ARK2N: variants seen among roughly 807,000 people sequenced by gnomAD.
The protein encoded by ARK2N is protein ARK2N.
the ARK2N span, among the ~76,000 whole-genome samples, chr18:46,249,886 A>G: frequency 1.3e-5 from 2 of 151,910 alleles, no homozygotes; most frequent in East Asian, 1.9e-4. Flanking sequence ...CAGTGGTGCA[A>G]TCATGGCACA....
the ARK2N span, among the ~76,000 whole-genome samples, chr18:46,212,460 G>C: frequency 6.6e-6 from 1 of 151,966 alleles, no homozygotes; most frequent in Non-Finnish European, 1.5e-5. Flanking sequence ...ATGCTATAAT[G>C]TATCTTTTTT....
At chr18:46,198,692 G>C in the ARK2N span, among the ~76,000 whole-genome samples, 1 of 151,898 alleles carries the variant, frequency 6.6e-6, no homozygotes, top group African/African-American at 2.4e-5. Context: ...TCCACCTCCC[G>C]GGTTCAAGTG....
chr18:46,198,915 G>A, the ARK2N span, among the ~76,000 whole-genome samples: 657 of 152,182 alleles, frequency 4.3e-3, 3 homozygotes, highest in African/African-American at 0.015. Context: ...TCTTAAAAAT[G>A]GACCCTGGAG....
At chr18:46,193,166 C>T in the ARK2N span, among the ~76,000 whole-genome samples, 15 of 151,970 alleles carry the variant, frequency 9.9e-5, no homozygotes, top group Admixed American at 6.6e-4. Context: ...GACTCTGTCT[C>T]AAAACAAACA....
the ARK2N span, among the ~76,000 whole-genome samples, chr18:46,246,773 T>C: frequency 6.9e-6 from 1 of 144,386 alleles, no homozygotes; most frequent in African/African-American, 2.5e-5. Context: ...CCAAACCCCG[T>C]CTCTACTAAA....
chr18:46,176,564 CCCA>C, the ARK2N span, among the ~76,000 whole-genome samples: 1 of 151,900 alleles, frequency 6.6e-6, no homozygotes. Flanking sequence ...AAGCATTCCT[CCCA>C]CCTCAGCCTC....
the ARK2N span, among the ~76,000 whole-genome samples, chr18:46,188,477 C>T: frequency 1.3e-5 from 2 of 152,244 alleles, no homozygotes; most frequent in South Asian, 2.1e-4. Flanking sequence ...GCTGGGATTA[C>T]AGGCGTGAGC....
At chr18:46,253,954 G>C in the ARK2N span, 2 of 1,124,334 alleles carry the variant, frequency 1.8e-6, no homozygotes, top group Admixed American at 5.6e-5. Flanking sequence ...TCTTGGTTTT[G>C]TTTTGTTTAA....
the ARK2N span, among the ~76,000 whole-genome samples, chr18:46,234,660 C>A: frequency 6.6e-6 from 1 of 151,878 alleles, no homozygotes; most frequent in African/African-American, 2.4e-5. Flanking sequence ...ACACCTTATT[C>A]CCCCTATTTA....
chr18:46,177,574 G>A, the ARK2N span, among the ~76,000 whole-genome samples: 1 of 151,438 alleles, frequency 6.6e-6, no homozygotes, highest in Admixed American at 6.6e-5. Context: ...TAAGACAGGC[G>A]CCTGCCACCA....
chr18:46,265,844 C>T, the ARK2N span: 1 of 152,630 alleles, frequency 6.6e-6, no homozygotes, highest in Non-Finnish European at 1.5e-5. Flanking sequence ...TTATGCTTCA[C>T]AGGACATTGT....
the ARK2N span, among the ~76,000 whole-genome samples, chr18:46,258,075 C>T: frequency 2.0e-5 from 3 of 152,038 alleles, no homozygotes; most frequent in Admixed American, 1.3e-4. Context: ...TATAGGTGCA[C>T]GCCGCCATGC....
At chr18:46,235,429 C>T in the ARK2N span, among the ~76,000 whole-genome samples, 1 of 152,158 alleles carries the variant, frequency 6.6e-6, no homozygotes, top group African/African-American at 2.4e-5. Flanking sequence ...AGCAAACAAA[C>T]AACAAAATAG....
the ARK2N span, chr18:46,263,247 G>A: frequency 1.1e-6 from 1 of 901,700 alleles, no homozygotes; most frequent in Non-Finnish European, 1.6e-6. Flanking sequence ...CAAACTCATG[G>A]AAAATTCCCT....
the ARK2N span, among the ~76,000 whole-genome samples, chr18:46,196,717 CT>C: frequency 6.6e-5 from 10 of 152,206 alleles, no homozygotes; most frequent in African/African-American, 2.4e-4. Flanking sequence ...TTAGGAGCAA[CT>C]AACTAGTTGG....
At chr18:46,175,466 CT>C in the ARK2N span, among the ~76,000 whole-genome samples, 2 of 151,824 alleles carry the variant, frequency 1.3e-5, no homozygotes, top group South Asian at 4.2e-4. Flanking sequence ...TTTTGCTGAT[CT>C]TGGCAATCTA....
the ARK2N span, among the ~76,000 whole-genome samples, chr18:46,242,855 G>C: frequency 2.2e-4 from 33 of 152,102 alleles, no homozygotes; most frequent in African/African-American, 7.5e-4. Context: ...TTCTCTTGTT[G>C]GACATTTAGG....
At chr18:46,253,712 G>T in the ARK2N span, 1 of 1,609,470 alleles carries the variant, frequency 6.2e-7, no homozygotes, top group South Asian at 1.1e-5. Context: ...TTGGATCCAG[G>T]ATTCCTAGCA....
the ARK2N span, among the ~76,000 whole-genome samples, chr18:46,256,838 T>C: frequency 0.042 from 6,365 of 152,290 alleles, 418 homozygotes; most frequent in African/African-American, 0.14. Context: ...TTTTTTTCCC[T>C]CAGCAGCTTC....
Sources: allele counts gnomAD v4.1 joint callset (sites outside exome capture counted in the v4.1 genomes callset), GRCh38; gene constraint gnomAD v4.1.1; transcripts MANE v1.5; gene names NCBI Gene and HGNC (gene_info 2026-07-23, HGNC 2026-07-21).